Variants in ITGB3 observed in about 807,000 individuals in gnomAD.
ITGB3 encodes the protein integrin beta-3.
ITGB3 carries 48 observed loss-of-function variants against 85.8 expected under a neutral mutation model. The observed-to-expected ratio is 0.56, with a 90% CI of 0.44 to 0.71. The LOEUF is 0.71. Among genes scored for constraint, ITGB3 ranks in the 30% least tolerant of loss-of-function variants. The pLI is 0.00. For missense variants in ITGB3, 861 were observed against 1,019.1 expected (o/e 0.84, Z 2.11); for synonymous variants, 363 against 395.6 (o/e 0.92, Z 0.98).
chr17:47,274,536 T>C, intron 2 of ITGB3, 32 bp downstream of exon 2: 1 of 1,587,814 alleles, frequency 6.3e-7, no homozygotes, highest in Non-Finnish European at 8.6e-7. Context: ...TTGTTTCTTC[T>C]CCAGACTAAG....
At chr17:47,260,484 A>G (rs1847129640) in intron 1 of ITGB3, among the ~76,000 whole-genome samples, 1 of 152,244 alleles carries the variant, frequency 6.6e-6, no homozygotes, top group Non-Finnish European at 1.5e-5. Context: ...AAGTTTGGCA[A>G]AAGACATATT....
chr17:47,286,671 G>C (rs1168941259), intron 5 of ITGB3, among the ~76,000 whole-genome samples: 1 of 152,190 alleles, frequency 6.6e-6, no homozygotes, highest in Non-Finnish European at 1.5e-5. Context: ...CCCATCTTCA[G>C]AGTTACTTCA....
chr17:47,307,941 A>G (rs1197441412), intron 14 of ITGB3, among the ~76,000 whole-genome samples: 2 of 152,084 alleles, frequency 1.3e-5, no homozygotes, highest in Admixed American at 6.6e-5. Context: ...CAAGGTGGGC[A>G]GATCACTTGA....
rs2065223209 is a variant in ITGB3 at position 47,313,295 on chromosome 17, G to A, written c.*3091G>A. On this transcript the variant is annotated 3_prime_UTR_variant, in exon 15 of 15. Coordinates refer to ENST00000559488, the MANE Select transcript of ITGB3 (RefSeq NM_000212.3). Reference sequence around the variant, plus strand: ...GGCCAGTCATCCATGATTTTAATGGGGTCCAAAGGCCTCTTTTTCTTTGTT... The same window carrying A: ...GGCCAGTCATCCATGATTTTAATGGAGTCCAAAGGCCTCTTTTTCTTTGTT... 6.6e-6 allele frequency among the ~76,000 whole-genome samples: 1 copy of A among 151,454 alleles called. No individual in the cohort carries two copies. Among genetic ancestry groups the A allele is most frequent in the Non-Finnish European group, 1.5e-5 (1 of 67,872 alleles).
chr17:47,283,306 C>T lies in ITGB3; in HGVS notation c.166-48C>T, dbSNP rs184965646. The T allele has an allele frequency of 1.4e-4, 226 of 1,587,032 alleles. No individual in the cohort carries two copies. In the Admixed American group the frequency reaches 2.7e-3, roughly 19 times the overall value. ...GTAGGGCCTGCAGGAGGTAGAGAGT[C>T]GCCATAGCTCTGATTGCTGGACTTC... On this transcript the variant is annotated intron_variant, in intron 2 of 14. Coordinates refer to ENST00000559488, the MANE Select transcript of ITGB3 (RefSeq NM_000212.3).
At chr17:47,291,796 T>G (rs2065126799) in intron 9 of ITGB3, among the ~76,000 whole-genome samples, 1 of 152,188 alleles carries the variant, frequency 6.6e-6, no homozygotes, top group Non-Finnish European at 1.5e-5. Context: ...TGCTGATAAT[T>G]ATAATCAGGC....
chr17:47,256,484 C>G (rs1682747425), intron 1 of ITGB3, among the ~76,000 whole-genome samples: 1 of 149,144 alleles, frequency 6.7e-6, no homozygotes, highest in Admixed American at 6.7e-5. Context: ...CCCCCCCCCC[C>G]AACCTCACAA....
At chr17:47,308,746 G>A (rs185690194) in intron 14 of ITGB3, among the ~76,000 whole-genome samples, 33 of 152,172 alleles carry the variant, frequency 2.2e-4, no homozygotes, top group African/African-American at 6.3e-4. Flanking sequence ...GTGATCACCC[G>A]CCTCGGCCTC....
At chr17:47,302,602 CAT>C in intron 12 of ITGB3, 117 bp from the exon 13 acceptor site, 1 of 1,217,120 alleles carries the variant, frequency 8.2e-7, no homozygotes, top group Non-Finnish European at 1.2e-6. Context: ...GCATCGTGCA[CAT>C]GAGGCACAGG....
At chr17:47,256,939 G>T (rs1462002687) in intron 1 of ITGB3, among the ~76,000 whole-genome samples, 1 of 152,208 alleles carries the variant, frequency 6.6e-6, no homozygotes, top group Non-Finnish European at 1.5e-5. Context: ...GAAAGGGAGG[G>T]CTATGGTTTA....
chr17:47,290,364 A>C, intron 8 of ITGB3, 90 bp downstream of exon 8: 1 of 1,078,048 alleles, frequency 9.3e-7, no homozygotes, highest in South Asian at 1.2e-5. Flanking sequence ...CCCAGTTGCC[A>C]GTCTACCACA....
rs557316200 is a variant in ITGB3, at chr17:47,264,199, A to G, written c.80-10220A>G. ...AAGTTGAAGAGAGGTGTTGATTTTC[A>G]GGGAACTCAAAGTGGGTTGTGACCT... On this transcript the variant is annotated intron_variant, in intron 1 of 14. Coordinates refer to ENST00000559488, the MANE Select transcript of ITGB3 (RefSeq NM_000212.3). Among the ~76,000 whole-genome samples the G allele has an allele frequency of 3.9e-4, 60 of 152,332 alleles. 1 individual carries two copies. The highest frequency in any genetic ancestry group is 1.4e-3 in the African/African-American group (58 of 41,564).
intron 7 of ITGB3, 138 bp from the exon 8 acceptor site, chr17:47,290,047 T>C (rs2065119042): frequency 6.3e-6 from 5 of 791,888 alleles, no homozygotes; most frequent in Non-Finnish European, 1.1e-5. Flanking sequence ...GCTAGATATA[T>C]TCCTGGCAGT....
chr17:47,268,960 G>A (rs2065035008), intron 1 of ITGB3, among the ~76,000 whole-genome samples: 1 of 152,248 alleles, frequency 6.6e-6, no homozygotes, highest in Non-Finnish European at 1.5e-5. Flanking sequence ...CTAGGCAGAG[G>A]TTCCCAAACG....
rs1249185498 is a variant in ITGB3 at position 47,309,242 on chromosome 17, A to AG, written c.2302-894dup. On this transcript the variant is annotated intron_variant, in intron 14 of 14. Coordinates refer to ENST00000559488, the MANE Select transcript of ITGB3 (RefSeq NM_000212.3). ...TTGTATTTTTTTCCCTTGTAGAGAC[A>AG]GGGTCTCACTCTGTTACCCAGGCTG... Among the ~76,000 whole-genome samples, 5 of 151,334 alleles carry AG rather than the reference A, an allele frequency of 3.3e-5. No individual in the cohort carries two copies. The East Asian group carries it at 9.9e-4, about 30-fold the overall frequency.
In ITGB3 at chr17:47,292,184, AAGG is replaced by A. The variant is rs765171372; in HGVS notation, c.1309_1311del (p.Glu437del). The A allele has an allele frequency of 1.2e-6, 2 of 1,614,178 alleles. No individual in the cohort carries two copies. Among genetic ancestry groups the A allele is most frequent in the Non-Finnish European group, 1.7e-6 (2 of 1,180,014 alleles). On this transcript the variant is annotated inframe_deletion, in exon 10 of 15. Transcript: ENST00000559488. ...CAAGGTGCGAGGCTGTCCCCAGGAGAAGGAGAAGTCCTTTACCATAAAGCCCGT... is the reference window on the plus strand; with the variant it reads ...CAAGGTGCGAGGCTGTCCCCAGGAGAAGAAGTCCTTTACCATAAAGCCCGT...
At chr17:47,300,346 C>CGTGTGTGT (rs58012849) in intron 11 of ITGB3, 132 bp from the exon 12 acceptor site, 403 of 619,796 alleles carry the variant, frequency 6.5e-4, no homozygotes, top group African/African-American at 5.2e-3. Context: ...CGCGCGCGCG[C>CGTGTGTGT]GTGTGTGTGT....
chr17:47,254,186 T>G (rs564509036), intron 1 of ITGB3, among the ~76,000 whole-genome samples: 1 of 152,186 alleles, frequency 6.6e-6, no homozygotes, highest in South Asian at 2.1e-4. Context: ...TCAGCCAGGC[T>G]GAGCGCCTTC....
At chr17:47,305,138 G>A (rs2065182725) in intron 13 of ITGB3, among the ~76,000 whole-genome samples, 1 of 152,160 alleles carries the variant, frequency 6.6e-6, no homozygotes, top group Non-Finnish European at 1.5e-5. Flanking sequence ...CCATACTAAT[G>A]TGCAGAATTA....
Sources: gnomAD v4.1 joint callset for allele counts (sites outside exome capture counted in the v4.1 genomes callset) on GRCh38, gnomAD v4.1.1 for gene constraint, MANE v1.5 for transcripts, NCBI Gene and HGNC (gene_info 2026-07-23, HGNC 2026-07-21) for gene names.